Variants in NMNAT2 observed in about 807,000 individuals in gnomAD.
The protein encoded by NMNAT2 is nicotinamide nucleotide adenylyltransferase 2, also known as nicotinamide/nicotinic acid mononucleotide adenylyltransferase 2.
NMNAT2 carries 11 observed loss-of-function variants against 41.6 expected under a neutral mutation model. The observed-to-expected ratio is 0.26, with a 90% CI of 0.17 to 0.44. NMNAT2 has a LOEUF of 0.44. NMNAT2 is among the 20% of genes least tolerant of loss of function. NMNAT2 has a pLI of 1.00. For missense variants in NMNAT2, 288 were observed against 407.7 expected, an observed-to-expected ratio of 0.71 and a Z score of 2.53; for synonymous variants, 148 against 151.2, an observed-to-expected ratio of 0.98 and a Z score of 0.16.
At chr1:183,296,219 C>T (rs1196520463) in intron 1 of NMNAT2, among the ~76,000 whole-genome samples, 1 of 152,174 alleles carries the variant, frequency 6.6e-6, no homozygotes, top group Non-Finnish European at 1.5e-5. Flanking sequence ...ATCCATTCAT[C>T]TACCAAAGAA....
intron 1 of NMNAT2, among the ~76,000 whole-genome samples, chr1:183,332,584 G>A (rs1362842026): frequency 1.3e-5 from 2 of 152,202 alleles, no homozygotes; most frequent in Non-Finnish European, 1.5e-5. Flanking sequence ...TGGGTTGAAA[G>A]TGAGATGCAA....
At chr1:183,273,823 T>TTCCCTCCCTCCC (rs1375969151) in intron 8 of NMNAT2, among the ~76,000 whole-genome samples, 4 of 44,994 alleles carry the variant, frequency 8.9e-5, no homozygotes, top group Admixed American at 2.5e-4. Flanking sequence ...TTCCTTTCTT[T>TTCCCTCCCTCCC]TCCCTCCCTC....
At chr1:183,402,274 A>G (rs1427777923) in intron 1 of NMNAT2, among the ~76,000 whole-genome samples, 1 of 152,106 alleles carries the variant, frequency 6.6e-6, no homozygotes, top group African/African-American at 2.4e-5. Context: ...TCTTGTCCTG[A>G]ACCTAACTCA....
intron 10 of NMNAT2, among the ~76,000 whole-genome samples, chr1:183,259,235 A>G (rs984646707): frequency 1.3e-5 from 2 of 152,174 alleles, no homozygotes; most frequent in Non-Finnish European, 2.9e-5. Flanking sequence ...GTAACTCTGC[A>G]TGGCGACTCT....
At chr1:183,322,482 C>T (rs1662375431) in intron 1 of NMNAT2, among the ~76,000 whole-genome samples, 1 of 152,178 alleles carries the variant, frequency 6.6e-6, no homozygotes, top group South Asian at 2.1e-4. Context: ...CCTCCTCCAC[C>T]TGACCCATCC....
intron 1 of NMNAT2, among the ~76,000 whole-genome samples, chr1:183,369,944 C>T (rs1321337692): frequency 6.6e-6 from 1 of 152,054 alleles, no homozygotes; most frequent in African/African-American, 2.4e-5. Flanking sequence ...GGAAACACCA[C>T]GAGCAAACAG....
At chr1:183,274,031 G>A (rs1468959533) in intron 8 of NMNAT2, among the ~76,000 whole-genome samples, 1 of 151,830 alleles carries the variant, frequency 6.6e-6, no homozygotes, top group East Asian at 1.9e-4. Flanking sequence ...CCCTGCCTCA[G>A]CCACCGGAGT....
intron 1 of NMNAT2, among the ~76,000 whole-genome samples, chr1:183,378,424 G>A (rs999652318): frequency 6.7e-6 from 1 of 150,306 alleles, no homozygotes; most frequent in Non-Finnish European, 1.5e-5. Flanking sequence ...GTGTGGTGGT[G>A]CACACCTATA....
chr1:183,360,079 C>G (rs902999365), intron 1 of NMNAT2, among the ~76,000 whole-genome samples: 3 of 152,182 alleles, frequency 2.0e-5, no homozygotes, highest in African/African-American at 4.8e-5. Context: ...TCGAGCCTGA[C>G]AGTGAGTCAC....
intron 7 of NMNAT2, among the ~76,000 whole-genome samples, chr1:183,281,176 G>A (rs1661258197): frequency 6.6e-6 from 1 of 152,198 alleles, no homozygotes; most frequent in African/African-American, 2.4e-5. Context: ...CCCTGAATTA[G>A]ATGGTCATGT....
chr1:183,378,411 C>A (rs947166731), intron 1 of NMNAT2, among the ~76,000 whole-genome samples: 1 of 147,616 alleles, frequency 6.8e-6, no homozygotes, highest in Non-Finnish European at 1.5e-5. Context: ...AAAAATTAGC[C>A]AGGTGTGGTG....
rs201892820 is a variant in NMNAT2, at chr1:183,248,949, A to G, written c.*3692T>C. On this transcript the variant is annotated 3_prime_UTR_variant, in exon 11 of 11. Transcript: ENST00000287713. ...GTGTGTGTGTCAGTTTGAGGAGAGT[A>G]GAATTGGGCTGGTAAGTACAAGTTT... The G allele has an allele frequency of 6.7e-6, 1 of 149,596 alleles. No homozygotes were observed. Among genetic ancestry groups the G allele is most frequent in the African/African-American group, 2.5e-5 (1 of 40,344 alleles). The allele number at this position is 149,596 out of a possible 1,614,324, so 9.3% of individuals were successfully genotyped here. A position where few individuals can be genotyped will look rare whatever the true frequency, so the allele number is the denominator to read the frequency against.
At chr1:183,398,482 G>T (rs1364159327) in intron 1 of NMNAT2, among the ~76,000 whole-genome samples, 4 of 152,100 alleles carry the variant, frequency 2.6e-5, no homozygotes, top group Non-Finnish European at 5.9e-5. Flanking sequence ...ACACCCCACT[G>T]TCAACATTAG....
At chr1:183,380,752 A>G (rs1205357251) in intron 1 of NMNAT2, among the ~76,000 whole-genome samples, 1 of 152,234 alleles carries the variant, frequency 6.6e-6, no homozygotes, top group Non-Finnish European at 1.5e-5. Context: ...GAATAAAAGC[A>G]TGAAGCAAGA....
chr1:183,348,763 G>C (rs1196512738), intron 1 of NMNAT2, among the ~76,000 whole-genome samples: 3 of 152,180 alleles, frequency 2.0e-5, no homozygotes. Flanking sequence ...AAGGTATTCT[G>C]CTTTCGGAGA....
At chr1:183,308,106 C>G (rs558670429) in intron 1 of NMNAT2, among the ~76,000 whole-genome samples, 3 of 152,182 alleles carry the variant, frequency 2.0e-5, no homozygotes, top group African/African-American at 7.2e-5. Context: ...GATGGATGAC[C>G]CTCCTTGGAA....
At chr1:183,348,112 A>G (rs1662970742) in intron 1 of NMNAT2, among the ~76,000 whole-genome samples, 1 of 151,874 alleles carries the variant, frequency 6.6e-6, no homozygotes, top group African/African-American at 2.4e-5. Context: ...CTGCTCTTTT[A>G]TTTTCTCAAC....
At chr1:183,410,345 A>G in intron 1 of NMNAT2, among the ~76,000 whole-genome samples, 1 of 152,010 alleles carries the variant, frequency 6.6e-6, no homozygotes, top group South Asian at 2.1e-4. Context: ...TAAATAAAAA[A>G]TAAATAAATA....
At chr1:183,338,149 T>TAAAAAAAAA (rs59064477) in intron 1 of NMNAT2, among the ~76,000 whole-genome samples, 1 of 96,410 alleles carries the variant, frequency 1.0e-5, no homozygotes. Context: ...CCCATCTCTT[T>TAAAAAAAAA]AAAAAAAAAA....
Sources: allele counts gnomAD v4.1 joint callset (sites outside exome capture counted in the v4.1 genomes callset), GRCh38; gene constraint gnomAD v4.1.1; transcripts MANE v1.5; gene names NCBI Gene and HGNC (gene_info 2026-07-23, HGNC 2026-07-21).